Variants in EBF1 observed in about 807,000 individuals in gnomAD.
The protein encoded by EBF1 is EBF transcription factor 1, also known as transcription factor COE1.
A neutral mutation model predicts 68.4 loss-of-function variants in EBF1; 10 were observed. The ratio of observed to expected loss-of-function variants is 0.15; its 90% confidence interval spans 0.09 to 0.25. The LOEUF is 0.25. EBF1 is among the 10% of genes least tolerant of loss of function. EBF1 has a pLI of 1.00. For synonymous variants in EBF1, 298 were observed against 299.8 expected, an observed-to-expected ratio of 0.99 and a Z score of 0.06; for missense variants, 509 against 794.4, an observed-to-expected ratio of 0.64 and a Z score of 4.32.
At chr5:159,004,607 A>C (rs528619082) in intron 6 of EBF1, among the ~76,000 whole-genome samples, 2 of 152,282 alleles carry the variant, frequency 1.3e-5, no homozygotes, top group South Asian at 4.1e-4. Context: ...GTAGAAAGGT[A>C]GTTATTGCTG....
chr5:158,868,857 G>T (rs1796380255), intron 6 of EBF1, among the ~76,000 whole-genome samples: 1 of 152,142 alleles, frequency 6.6e-6, no homozygotes, highest in Admixed American at 6.6e-5. Context: ...ATTTCAACAT[G>T]GTTGATGTTG....
chr5:159,020,650 T>C (rs938567717), intron 6 of EBF1, among the ~76,000 whole-genome samples: 5 of 152,210 alleles, frequency 3.3e-5, no homozygotes, highest in Non-Finnish European at 7.3e-5. Flanking sequence ...ACTAGTACCA[T>C]GTAATCTAGC....
At chr5:158,735,348 G>C (rs1764958420) in intron 10 of EBF1, among the ~76,000 whole-genome samples, 1 of 152,148 alleles carries the variant, frequency 6.6e-6, no homozygotes, top group South Asian at 2.1e-4. Flanking sequence ...TCAGGCTGTT[G>C]AGGGGCCACA....
intron 6 of EBF1, among the ~76,000 whole-genome samples, chr5:158,857,866 A>G (rs1442438135): frequency 6.6e-6 from 1 of 152,236 alleles, no homozygotes; most frequent in Non-Finnish European, 1.5e-5. Flanking sequence ...AAAAAGTCAC[A>G]TAATTAACAG....
At chr5:159,049,358 T>G (rs1203702829) in intron 6 of EBF1, among the ~76,000 whole-genome samples, 1 of 152,128 alleles carries the variant, frequency 6.6e-6, no homozygotes, top group Non-Finnish European at 1.5e-5. Flanking sequence ...TAATTAAGCA[T>G]CACTTGAGGG....
intron 6 of EBF1, among the ~76,000 whole-genome samples, chr5:159,050,616 T>G (rs569523839): frequency 3.9e-5 from 6 of 152,200 alleles, no homozygotes; most frequent in Non-Finnish European, 8.8e-5. Context: ...GGCCACCAGT[T>G]ACTTTCTGCA....
chr5:158,769,411 T>C (rs941366561), intron 10 of EBF1, among the ~76,000 whole-genome samples: 1 of 152,180 alleles, frequency 6.6e-6, no homozygotes, highest in Non-Finnish European at 1.5e-5. Flanking sequence ...TCCCTTTTAA[T>C]GATCCTGTTA....
At chr5:158,881,554 C>G (rs1454586338) in intron 6 of EBF1, among the ~76,000 whole-genome samples, 1 of 152,206 alleles carries the variant, frequency 6.6e-6, no homozygotes. Context: ...GCTCTGCACA[C>G]AGGTCTGTAT....
chr5:158,710,425 C>T (rs1758940114), intron 14 of EBF1, among the ~76,000 whole-genome samples: 1 of 152,088 alleles, frequency 6.6e-6, no homozygotes, highest in African/African-American at 2.4e-5. Context: ...ATTTTCAGGT[C>T]ATGATCGAAA....
intron 6 of EBF1, among the ~76,000 whole-genome samples, chr5:158,868,967 C>T (rs998506775): frequency 1.3e-5 from 2 of 152,030 alleles, no homozygotes; most frequent in East Asian, 1.9e-4. Flanking sequence ...TTGACAAAGC[C>T]GGACCAAGAA....
chr5:159,097,604 C>A (rs1479592163), intron 1 of EBF1: 1 of 239,102 alleles, frequency 4.2e-6, no homozygotes, highest in East Asian at 6.0e-5. Context: ...CAGCCACCCT[C>A]CAGGAACCCC....
chr5:158,866,881 A>G lies in EBF1; in HGVS notation c.555-26771T>C, dbSNP rs913960169. Among the ~76,000 whole-genome samples, 16 of 69,052 alleles carry G rather than the reference A, an allele frequency of 2.3e-4. 4 individuals are homozygous for G. Among genetic ancestry groups the G allele is most frequent in the African/African-American group, 7.6e-4 (16 of 21,084 alleles). The allele number at this position is 69,052 out of a possible 152,430, so 45.3% of individuals were successfully genotyped here. A position where few individuals can be genotyped will look rare whatever the true frequency, so the allele number is the denominator to read the frequency against. ...TATATATATATATATATATATATAT[A>G]TATATATATATATAAAGCCACATAG... On this transcript the variant is annotated intron_variant, in intron 6 of 15. Coordinates refer to ENST00000313708, the MANE Select transcript of EBF1 (RefSeq NM_024007.5).
Position 158,905,869 on chromosome 5 carries a change from C to A in EBF1, c.555-65759G>T, listed in dbSNP as rs376867097. On this transcript the variant is annotated intron_variant, in intron 6 of 15. Transcript: ENST00000313708. ...TGTAAGGAAAGCCTTGCCCTGGCCC[C>A]ACTTAGTGGGTAGCAGGAGGGATAC... 1.4e-4 allele frequency among the ~76,000 whole-genome samples: 22 copies of A among 152,208 alleles called. 1 individual carries two copies. The highest frequency in any genetic ancestry group is 5.1e-4 in the African/African-American group (21 of 41,534).
chr5:158,708,106 G>A lies in EBF1; in HGVS notation c.1617C>T (p.Gly539=). The change falls in exon 15 of 16, where the codon GGC becomes GGT. Residue 539 remains glycine, a synonymous_variant. Transcript: ENST00000313708. ...TGTTGGCTGGTGAGAAGGAGAAGAT[G>A]CCCGAGGAGCTGCTGCAGTTGGAGG... ...SLPSNCSSSS[G]IFSFSPANMV... The A allele has an allele frequency of 6.3e-7, 1 of 1,586,242 alleles. No individual in the cohort carries two copies. Among genetic ancestry groups the A allele is most frequent in the Admixed American group, 1.8e-5 (1 of 56,276 alleles).
Position 159,099,633 on chromosome 5 carries a change from G to A in EBF1, c.-155C>T. 2 of 1,094,366 alleles carry A rather than the reference G, an allele frequency of 1.8e-6. No individual in the cohort carries two copies. Among genetic ancestry groups the A allele is most frequent in the South Asian group, 2.2e-5 (1 of 46,454 alleles). The allele number at this position is 1,094,366 out of a possible 1,614,324, so 67.8% of individuals were successfully genotyped here. A position where few individuals can be genotyped will look rare whatever the true frequency, so the allele number is the denominator to read the frequency against. The stretch of plus-strand genomic sequence containing the variant: ...ATGAACTCGCACTTAGAAGATCAAG[G>A]CGGGCTGGAAAGCAAATTTTTAAAA... On this transcript the variant is annotated 5_prime_UTR_variant, in exon 1 of 16. Transcript: ENST00000313708.
chr5:158,714,291 A>G, intron 11 of EBF1, 109 bp from the exon 12 acceptor site: 1 of 1,268,222 alleles, frequency 7.9e-7, no homozygotes, highest in East Asian at 2.3e-5. Context: ...AGGCACTGCT[A>G]TAAAGGCCGT....
intron 11 of EBF1, among the ~76,000 whole-genome samples, chr5:158,723,090 C>T (rs977260919): frequency 6.6e-6 from 1 of 152,136 alleles, no homozygotes. Flanking sequence ...TACTGCAAGT[C>T]CCTCCCACAA....
intron 6 of EBF1, among the ~76,000 whole-genome samples, chr5:158,841,442 T>C (rs866448265): frequency 6.6e-6 from 1 of 152,246 alleles, no homozygotes. Context: ...GATGTGCCTG[T>C]GGATTTCAGG....
chr5:158,945,430 T>A (rs929689411), intron 6 of EBF1, among the ~76,000 whole-genome samples: 2 of 152,208 alleles, frequency 1.3e-5, no homozygotes, highest in African/African-American at 4.8e-5. Flanking sequence ...CATTGGTCTA[T>A]ATATCTGTTT....
Sources: allele counts gnomAD v4.1 joint callset (sites outside exome capture counted in the v4.1 genomes callset), GRCh38; gene constraint gnomAD v4.1.1; transcripts MANE v1.5; gene names NCBI Gene and HGNC (gene_info 2026-07-23, HGNC 2026-07-21).